Variants in PRKCB observed in about 807,000 individuals in gnomAD.
The protein encoded by PRKCB is protein kinase C beta.
A neutral mutation model predicts 81.5 loss-of-function variants in PRKCB; 13 were observed. That is an observed-to-expected ratio of 0.16 (90% CI 0.10 to 0.25). The LOEUF (loss-of-function observed/expected upper bound fraction) is 0.25. Among genes scored for constraint, PRKCB ranks in the 10% least tolerant of loss-of-function variants. PRKCB has a pLI of 1.00. For missense variants in PRKCB, 509 were observed against 875.7 expected, an observed-to-expected ratio of 0.58 and a Z score of 5.29; for synonymous variants, 335 against 321.4, an observed-to-expected ratio of 1.04 and a Z score of -0.45.
At chr16:24,066,361 T>C (rs1966034679) in intron 5 of PRKCB, among the ~76,000 whole-genome samples, 1 of 152,232 alleles carries the variant, frequency 6.6e-6, no homozygotes, top group South Asian at 2.1e-4. Flanking sequence ...TTCAGCTCAC[T>C]GATTTGCCTT....
intron 2 of PRKCB, among the ~76,000 whole-genome samples, chr16:23,862,299 A>G (rs965941306): frequency 7.9e-5 from 12 of 152,146 alleles, no homozygotes; most frequent in African/African-American, 2.9e-4. Flanking sequence ...CCATGCATGC[A>G]TGGTTCAAGA....
At chr16:23,905,200 G>C (rs1008654) in intron 2 of PRKCB, among the ~76,000 whole-genome samples, 146,681 of 152,232 alleles carry the variant, frequency 0.96, 70,704 homozygotes, top group East Asian at 1. Context: ...CTGAGCTGGC[G>C]AGGAATGCAC....
intron 2 of PRKCB, among the ~76,000 whole-genome samples, chr16:23,905,625 C>G (rs1207013766): frequency 2.0e-5 from 3 of 152,184 alleles, no homozygotes; most frequent in Admixed American, 6.5e-5. Context: ...AGAGAGTCTC[C>G]TAGAACCAGT....
At position 23,935,996 on chromosome 16, in the gene PRKCB, T is replaced by C. The variant is rs374453147; in HGVS notation, c.206-52512T>C. ...TTCCCGTGTAACAAATCTGCACATG[T>C]ACCTACTGTATCTAAAATGAAAGTT... On this transcript the variant is annotated intron_variant, in intron 2 of 16. Transcript: ENST00000643927. 3.9e-5 allele frequency among the ~76,000 whole-genome samples: 6 copies of C among 152,362 alleles called. No homozygotes were observed. The South Asian group carries it at 6.2e-4, about 16-fold the overall frequency.
chr16:23,922,184 T>G (rs1963835347), intron 2 of PRKCB, among the ~76,000 whole-genome samples: 1 of 152,220 alleles, frequency 6.6e-6, no homozygotes, highest in Non-Finnish European at 1.5e-5. Flanking sequence ...AAAAGAGTTG[T>G]AGACTCAAAT....
intron 2 of PRKCB, chr16:23,869,175 A>C: frequency 1.1e-5 from 5 of 452,410 alleles, no homozygotes; most frequent in Non-Finnish European, 2.2e-5. Flanking sequence ...GAGCAGACAC[A>C]ATCTACTCTA....
chr16:23,886,186 G>A (rs959505049), intron 2 of PRKCB, among the ~76,000 whole-genome samples: 1 of 152,114 alleles, frequency 6.6e-6, no homozygotes, highest in Non-Finnish European at 1.5e-5. Flanking sequence ...TTTGCTGTTG[G>A]TTGGCATTAG....
At chr16:24,210,505 T>C (rs1380723491) in intron 16 of PRKCB, among the ~76,000 whole-genome samples, 5 of 150,494 alleles carry the variant, frequency 3.3e-5, no homozygotes, top group Admixed American at 2.0e-4. Context: ...TCTTCTTCTT[T>C]TTTTTTTTTT....
chr16:23,846,205 T>C (rs1962364139), intron 2 of PRKCB, among the ~76,000 whole-genome samples: 1 of 152,244 alleles, frequency 6.6e-6, no homozygotes, highest in Non-Finnish European at 1.5e-5. Context: ...AAGTCTCAGT[T>C]GGTGTTAATA....
chr16:23,981,254 C>T (rs78826024), intron 2 of PRKCB, among the ~76,000 whole-genome samples: 2,327 of 152,146 alleles, frequency 0.015, 30 homozygotes, highest in Non-Finnish European at 0.025. Context: ...CCTTGGCTTG[C>T]GTTCCCTTCC....
chr16:24,204,102 A>G (rs1038897653), intron 16 of PRKCB, among the ~76,000 whole-genome samples: 3 of 152,098 alleles, frequency 2.0e-5, no homozygotes, highest in Non-Finnish European at 4.4e-5. Flanking sequence ...CTCACTGGAC[A>G]TGAATGGGTC....
At chr16:24,143,001 C>T (rs1193626542) in intron 9 of PRKCB, among the ~76,000 whole-genome samples, 3 of 152,154 alleles carry the variant, frequency 2.0e-5, no homozygotes, top group African/African-American at 4.8e-5. Flanking sequence ...TGAGCTGTAA[C>T]TTGCTTGTCT....
intron 16 of PRKCB, among the ~76,000 whole-genome samples, chr16:24,212,402 TAAAAAAAA>T (rs35650101): frequency 5.1e-5 from 5 of 97,170 alleles, no homozygotes; most frequent in South Asian, 3.8e-4. Context: ...TTCTGTGCTT[TAAAAAAAA>T]AAAAAAAAAA....
In PRKCB at chr16:24,218,339, G is replaced by A. The variant is rs949107719; in HGVS notation, c.*3523G>A. 3.6e-5 allele frequency: 35 copies of A among 985,150 alleles called. No homozygotes were observed. Among genetic ancestry groups the A allele is most frequent in the Non-Finnish European group, 4.0e-5 (33 of 829,936 alleles). The allele number at this position is 985,150 out of a possible 1,614,324, so 61.0% of individuals were successfully genotyped here. ...GAAGTAACATGCCGAGCGCCTGGGG[G>A]ATGGAAACTCCTATAGCACCCCACA... On this transcript the variant is annotated 3_prime_UTR_variant, in exon 17 of 17. Transcript: ENST00000643927.
intron 2 of PRKCB, among the ~76,000 whole-genome samples, chr16:23,852,978 C>T (rs1962499293): frequency 6.6e-6 from 1 of 152,136 alleles, no homozygotes; most frequent in South Asian, 2.1e-4. Flanking sequence ...GAGACAGGCA[C>T]CTTCTGGAAT....
chr16:23,837,690 C>G (rs1242732090), intron 2 of PRKCB, among the ~76,000 whole-genome samples: 1 of 152,090 alleles, frequency 6.6e-6, no homozygotes, highest in East Asian at 1.9e-4. Flanking sequence ...CTGGCATGGT[C>G]AGTTCCGCTG....
chr16:24,022,622 G>A (rs1419664272), intron 3 of PRKCB, among the ~76,000 whole-genome samples: 1 of 152,110 alleles, frequency 6.6e-6, no homozygotes, highest in Non-Finnish European at 1.5e-5. Flanking sequence ...CTCCTGAGTA[G>A]CTGGGACTAG....
intron 2 of PRKCB, among the ~76,000 whole-genome samples, chr16:23,894,311 T>G (rs540913601): frequency 9.2e-5 from 14 of 152,294 alleles, no homozygotes; most frequent in African/African-American, 3.4e-4. Context: ...ACAAAAGGCA[T>G]GAAAGTCTCA....
At chr16:24,004,644 G>A (rs1965092497) in intron 3 of PRKCB, among the ~76,000 whole-genome samples, 1 of 152,160 alleles carries the variant, frequency 6.6e-6, no homozygotes, top group South Asian at 2.1e-4. Flanking sequence ...AACAGAGTGA[G>A]ATTCTGTCTC....
Sources: gnomAD v4.1 joint callset for allele counts (sites outside exome capture counted in the v4.1 genomes callset) on GRCh38, gnomAD v4.1.1 for gene constraint, MANE v1.5 for transcripts, NCBI Gene and HGNC (gene_info 2026-07-23, HGNC 2026-07-21) for gene names.